The following TSPAN7 variants were observed in gnomAD, a reference collection of about 807,000 sequenced individuals.
TSPAN7 encodes the protein tetraspanin 7, also known as tetraspanin-7.
Under a neutral mutation model 17.6 loss-of-function variants are expected in TSPAN7, and 1 was observed. That is an observed-to-expected ratio of 0.06 (90% CI 0.02 to 0.27). TSPAN7 has a LOEUF of 0.27. Ranked by LOEUF, TSPAN7 falls within the 10% of genes least tolerant of loss-of-function variation. TSPAN7 has a pLI of 1.00. For missense variants in TSPAN7, 112 were observed against 201.7 expected (o/e 0.56, Z 2.69); for synonymous variants, 78 against 79.0 (o/e 0.99, Z 0.07).
chrX:38,619,976 TG>T (rs1419079172), intron 1 of TSPAN7, among the ~76,000 whole-genome samples: 1 of 112,340 alleles, frequency 8.9e-6, no homozygotes, highest in East Asian at 2.8e-4. Flanking sequence ...ATCTATCCCC[TG>T]TGCTAGAGAA....
chrX:38,583,039 A>T (rs1432329211), intron 1 of TSPAN7, among the ~76,000 whole-genome samples: 2 of 111,861 alleles, frequency 1.8e-5, no homozygotes, highest in African/African-American at 6.5e-5. Context: ...GCCTCATTTT[A>T]TCCCATCCAT....
At chrX:38,615,112 G>C (rs1479278920) in intron 1 of TSPAN7, among the ~76,000 whole-genome samples, 1 of 111,079 alleles carries the variant, frequency 9.0e-6, no homozygotes, top group East Asian at 2.8e-4. Flanking sequence ...GGGTGGATTT[G>C]AATATTAGAG....
Position 38,681,225 on chromosome X carries a change from A to G in TSPAN7, c.619A>G (p.Ser207Gly), listed in dbSNP as rs778642346. Residue 207 changes from serine (S) to glycine (G), a missense_variant, in exon 6 of 8, where the codon AGT (serine) becomes GGT (glycine). By Grantham distance (56) the Ser-to-Gly change is moderately conservative. Transcript: ENST00000378482. ...CCAGGGTTGTTATGATCTGGTAACTAGTTTCATGGAGACTAACATGGGAAT... is the reference window on the plus strand; with the variant it reads ...CCAGGGTTGTTATGATCTGGTAACTGGTTTCATGGAGACTAACATGGGAAT... ...NQKGCYDLVTSFMETNMGIIA... is the reference protein window; with the variant it reads ...NQKGCYDLVTGFMETNMGIIA... The G allele has an allele frequency of 8.3e-7, 1 of 1,207,807 alleles. No homozygotes were observed. The highest frequency in any genetic ancestry group is 1.8e-5 in the African/African-American group (1 of 57,085).
At position 38,604,886 on chromosome X, in the gene TSPAN7, A is replaced by T. The variant is rs778540914; in HGVS notation, c.81+43259A>T. On this transcript the variant is annotated intron_variant, in intron 1 of 7. Coordinates refer to ENST00000378482, the MANE Select transcript of TSPAN7 (RefSeq NM_004615.4). Reference sequence around the variant, plus strand: ...CCTTCATGCTAAAAATTCTCAATAAATTAGGTATTGATGGGACGTATCTCA... The same window carrying T: ...CCTTCATGCTAAAAATTCTCAATAATTTAGGTATTGATGGGACGTATCTCA... Among the ~76,000 whole-genome samples the T allele has an allele frequency of 2.4e-4, 27 of 111,422 alleles. No individual in the cohort carries two copies. The South Asian group carries it at 9.6e-3, about 39-fold the overall frequency.
At chrX:38,657,653 G>A (rs1007689714) in intron 1 of TSPAN7, among the ~76,000 whole-genome samples, 21 of 112,370 alleles carry the variant, frequency 1.9e-4, no homozygotes, top group Admixed American at 1.6e-3. Context: ...AGGGCCCTGG[G>A]GCTAGTCCTG....
chrX:38,601,706 C>A (rs1244071878), intron 1 of TSPAN7, among the ~76,000 whole-genome samples: 1 of 111,780 alleles, frequency 8.9e-6, no homozygotes, highest in South Asian at 3.7e-4. Context: ...GTATAAAAAT[C>A]CATCCCCAAA....
At chrX:38,687,140 A>G (rs780065964) in intron 6 of TSPAN7, among the ~76,000 whole-genome samples, 2 of 112,416 alleles carry the variant, frequency 1.8e-5, no homozygotes, top group South Asian at 7.5e-4. Flanking sequence ...CTGAGACATC[A>G]TAGTATGCTG....
At chrX:38,567,672 A>G (rs1266029505) in intron 1 of TSPAN7, among the ~76,000 whole-genome samples, 1 of 112,458 alleles carries the variant, frequency 8.9e-6, no homozygotes, top group East Asian at 2.8e-4. Flanking sequence ...ACCAACGTTT[A>G]CTAGCTGCTG....
intron 1 of TSPAN7, among the ~76,000 whole-genome samples, chrX:38,591,320 T>A (rs907711070): frequency 8.9e-6 from 1 of 111,919 alleles, no homozygotes; most frequent in African/African-American, 3.2e-5. Context: ...TATTTCATTT[T>A]CAAATGGAGA....
At chrX:38,610,525 A>G (rs1387800810) in intron 1 of TSPAN7, among the ~76,000 whole-genome samples, 3 of 111,554 alleles carry the variant, frequency 2.7e-5, no homozygotes, top group Non-Finnish European at 5.7e-5. Context: ...TTCCAAACTC[A>G]ACCCAGACCA....
intron 1 of TSPAN7, among the ~76,000 whole-genome samples, chrX:38,589,131 C>G (rs760111319): frequency 1.3e-4 from 14 of 111,864 alleles, no homozygotes; most frequent in Middle Eastern, 4.6e-3. Flanking sequence ...ATTGCTCAAG[C>G]CTTTAGTTGC....
chrX:38,607,606 T>A (rs1255448243), intron 1 of TSPAN7, among the ~76,000 whole-genome samples: 1 of 111,606 alleles, frequency 9.0e-6, no homozygotes, highest in African/African-American at 3.3e-5. Flanking sequence ...CTGCTGCTGG[T>A]AGACCAGTGA....
chrX:38,584,997 CGTT>C (rs1362219326), intron 1 of TSPAN7, among the ~76,000 whole-genome samples: 1 of 111,931 alleles, frequency 8.9e-6, no homozygotes, highest in Non-Finnish European at 1.9e-5. Flanking sequence ...TTTCACTTAA[CGTT>C]GTTTGAGATC....
chrX:38,628,712 T>A (rs1215798147), intron 1 of TSPAN7, among the ~76,000 whole-genome samples: 2 of 112,231 alleles, frequency 1.8e-5, no homozygotes, highest in African/African-American at 6.5e-5. Flanking sequence ...TTGGTGGATT[T>A]GGAAAACTGA....
intron 1 of TSPAN7, among the ~76,000 whole-genome samples, chrX:38,637,046 C>T (rs4448427): frequency 0.55 from 61,233 of 110,608 alleles, 13,694 homozygotes; most frequent in East Asian, 0.93. Flanking sequence ...ACAAAGCACA[C>T]GACTATGTAA....
intron 1 of TSPAN7, among the ~76,000 whole-genome samples, chrX:38,641,857 C>T (rs2069613792): frequency 9.0e-6 from 1 of 111,654 alleles, no homozygotes; most frequent in Admixed American, 9.5e-5. Context: ...CTGGAATTTC[C>T]TCCTTCTAGT....
intron 1 of TSPAN7, among the ~76,000 whole-genome samples, chrX:38,574,311 G>T (rs1013052511): frequency 8.9e-6 from 1 of 112,199 alleles, no homozygotes; most frequent in Non-Finnish European, 1.9e-5. Flanking sequence ...TTTTACAGAT[G>T]TAGTTGTTGT....
rs2069111121 is a variant in TSPAN7 at position 38,561,596 on chromosome X, C to T, written c.50C>T (p.Thr17Ile). The T allele has an allele frequency of 8.3e-7, 1 of 1,204,727 alleles. No individual in the cohort carries two copies. The highest frequency in any genetic ancestry group is 1.8e-5 in the South Asian group (1 of 56,626). ...AAACCTGTGATAACCTGTCTCAAAA[C>T]CCTCCTCATCATCTACTCCTTCGTC... ...ETKPVITCLK[T>I]LLIIYSFVFW... The change falls in exon 1 of 8, where the codon ACC becomes ATC. Residue 17 changes from threonine to isoleucine, a missense_variant. Thr to Ile is a moderately conservative substitution (Grantham distance 89). Coordinates refer to ENST00000378482, the MANE Select transcript of TSPAN7 (RefSeq NM_004615.4).
intron 1 of TSPAN7, among the ~76,000 whole-genome samples, chrX:38,565,736 A>C (rs916965995): frequency 1.8e-5 from 2 of 112,205 alleles, no homozygotes; most frequent in African/African-American, 6.5e-5. Context: ...AGAAGTCTAC[A>C]CTTTTGAAAG....
Sources: allele counts gnomAD v4.1 joint callset (sites outside exome capture counted in the v4.1 genomes callset), GRCh38; gene constraint gnomAD v4.1.1; transcripts MANE v1.5; gene names NCBI Gene and HGNC (gene_info 2026-07-23, HGNC 2026-07-21).